The following DNAH1 variants were observed in gnomAD, a reference collection of about 807,000 sequenced individuals.
DNAH1 encodes the protein axonemal beta dynein heavy chain 1.
DNAH1 carries 327 observed loss-of-function variants against 484.3 expected under a neutral mutation model. The observed-to-expected ratio is 0.68, with a 90% confidence interval of 0.62 to 0.74. The LOEUF is 0.74. Ranked by LOEUF, DNAH1 falls within the 30% of genes least tolerant of loss-of-function variation. The pLI is 0.00. For synonymous variants in DNAH1, 2,192 were observed against 2,191.9 expected (o/e 1.00, Z 0.00); for missense variants, 5,052 against 5,546.8 (o/e 0.91, Z 2.83).
chr3:52,388,713 TC>T (rs1704228916), intron 58 of DNAH1, 92 bp from the exon 59 acceptor site: 1 of 1,604,324 alleles, frequency 6.2e-7, no homozygotes, highest in South Asian at 1.1e-5. Flanking sequence ...CCACACCCCC[TC>T]CCTGGCAACC....
rs200071114 is a variant in DNAH1 at position 52,396,440 on chromosome 3, G to A, written c.11332G>A (p.Gly3778Ser). 11 of 1,594,286 alleles carry A rather than the reference G, an allele frequency of 6.9e-6. No individual in the cohort carries two copies. The highest frequency in any genetic ancestry group is 5.4e-5 in the African/African-American group (4 of 74,496). ...NKFPVSILQN[G>S]SKMTIEPPRG... ...GTTCCCAGTGTCCATCCTGCAGAAC[G>A]GCTCCAAGATGACCATTGAGCCGCC... Residue 3778 changes from glycine (G) to serine (S), a missense_variant, in exon 71 of 78, where the codon GGC becomes AGC. By Grantham distance (56) the Gly-to-Ser change is moderately conservative (BLOSUM62 0). Transcript: ENST00000420323.
chr3:52,314,260 T>TG (rs1227846560), upstream of DNAH1, among the ~76,000 whole-genome samples: 4 of 152,202 alleles, frequency 2.6e-5, no homozygotes, highest in African/African-American at 9.7e-5. Flanking sequence ...GGAGCCCCCC[T>TG]GGGAAATGTC....
intron 60 of DNAH1, among the ~76,000 whole-genome samples, chr3:52,390,045 C>T (rs1704304852): frequency 6.6e-6 from 1 of 151,918 alleles, no homozygotes; most frequent in Admixed American, 6.6e-5. Context: ...GGCTTGAACC[C>T]AGGAGGCGGG....
intron 8 of DNAH1, among the ~76,000 whole-genome samples, chr3:52,339,252 T>C (rs1450989518): frequency 1.3e-5 from 2 of 152,120 alleles, no homozygotes; most frequent in Non-Finnish European, 2.9e-5. Flanking sequence ...TTCTTTCTTT[T>C]ACTTCCTTTA....
At position 52,345,948 on chromosome 3, in the gene DNAH1, A is replaced by C. The variant is rs544609012; in HGVS notation, c.1656+242A>C. ...AAAACCAGGGCAGGCTCTCTTTCCA[A>C]TCCCTTTCCATCCCAACTCTGGTTG... is the stretch of plus-strand genomic sequence containing the variant. On this transcript the variant is annotated intron_variant, in intron 10 of 77. Coordinates refer to ENST00000420323, the MANE Select transcript of DNAH1 (RefSeq NM_015512.5). Among the ~76,000 whole-genome samples, 15 of 152,222 alleles carry C rather than the reference A, an allele frequency of 9.9e-5. No individual in the cohort carries two copies. In the South Asian group the frequency reaches 3.1e-3, roughly 32 times the overall value.
intron 50 of DNAH1, among the ~76,000 whole-genome samples, chr3:52,383,078 C>G (rs773198359): frequency 7.9e-5 from 12 of 152,206 alleles, no homozygotes; most frequent in Non-Finnish European, 1.5e-4. Flanking sequence ...TATCTCTGCC[C>G]GTGGCCATGG....
intron 10 of DNAH1, 67 bp downstream of exon 10, chr3:52,345,773 C>A: frequency 2.7e-6 from 4 of 1,506,090 alleles, no homozygotes; most frequent in South Asian, 2.4e-5. Context: ...AGGCACAGGT[C>A]GGGGCTGCAG....
chr3:52,393,000 G>A lies in DNAH1; in HGVS notation c.10449G>A (p.Ser3483=), dbSNP rs780851318. The part of the protein sequence containing the change: ...SLEWFLNIFL[S]GIANSERADN... ...AGTGGTTTCTCAACATCTTCCTCTC[G>A]GGCATCGCCAACTCAGAGAGAGCAG... The change falls in exon 65 of 78, where the codon TCG becomes TCA. Residue 3483 remains serine, a synonymous_variant. Coordinates refer to ENST00000420323, the MANE Select transcript of DNAH1 (RefSeq NM_015512.5). The A allele has an allele frequency of 6.8e-6, 11 of 1,613,318 alleles. No individual in the cohort carries two copies. The highest frequency in any genetic ancestry group is 6.7e-5 in the East Asian group (3 of 44,866).
At chr3:52,349,648 A>G (rs559440384) in intron 14 of DNAH1, among the ~76,000 whole-genome samples, 24 of 152,188 alleles carry the variant, frequency 1.6e-4, no homozygotes, top group Non-Finnish European at 3.2e-4. Context: ...CTCCTTCCCT[A>G]GACTCTTAGA....
At chr3:52,372,814 C>A in intron 43 of DNAH1, 82 bp from the exon 44 acceptor site, 13 of 1,523,070 alleles carry the variant, frequency 8.5e-6, no homozygotes, top group Non-Finnish European at 1.1e-5. Flanking sequence ...TTCCCAGAGG[C>A]AAAGCTGCCA....
At chr3:52,397,144 C>A in intron 73 of DNAH1, 100 bp downstream of exon 73, 1 of 1,079,718 alleles carries the variant, frequency 9.3e-7, no homozygotes, top group Non-Finnish European at 1.3e-6. Context: ...ATGCAGCCCC[C>A]ACCCTCCATC....
chr3:52,394,395 G>A (rs1189858611), intron 66 of DNAH1, 70 bp from the exon 67 acceptor site: 1 of 1,496,798 alleles, frequency 6.7e-7, no homozygotes, highest in Non-Finnish European at 9.2e-7. Context: ...AGGCACTACT[G>A]GGTGGGGGTG....
chr3:52,376,067 G>A (rs1703586359), intron 46 of DNAH1, 74 bp downstream of exon 46: 1 of 1,561,280 alleles, frequency 6.4e-7, no homozygotes, highest in Non-Finnish European at 8.7e-7. Context: ...GTGTGTTGAG[G>A]CTGCGACCAG....
chr3:52,382,491 G>A (rs373646624), intron 50 of DNAH1, 36 bp downstream of exon 50: 2 of 1,610,192 alleles, frequency 1.2e-6, no homozygotes, highest in African/African-American at 1.3e-5. Flanking sequence ...GGCTCGGGGG[G>A]GCTGGACACA....
Position 52,397,893 on chromosome 3 carries a change from G to GT in DNAH1, c.11958+17dup. 7.5e-6 allele frequency: 12 copies of GT among 1,590,866 alleles called. No individual in the cohort carries two copies. Among genetic ancestry groups the GT allele is most frequent in the Non-Finnish European group, 1.0e-5 (12 of 1,167,430 alleles). ...CCGGGAGGAGGTGGGTGGTGTCAGA[G>GT]TAAGGGGCCCAAGGGCTGGACGGGC... On this transcript the variant is annotated intron_variant, in intron 74 of 77. Transcript: ENST00000420323.
chr3:52,331,381 C>T (rs1337082261), intron 7 of DNAH1, 72 bp downstream of exon 7: 3 of 1,497,098 alleles, frequency 2.0e-6, no homozygotes, highest in Non-Finnish European at 1.8e-6. Context: ...GAGGCCAACT[C>T]CGCCCAGGGC....
At chr3:52,359,686 C>T (rs1455837171) in intron 26 of DNAH1, among the ~76,000 whole-genome samples, 1 of 152,222 alleles carries the variant, frequency 6.6e-6, no homozygotes, top group Non-Finnish European at 1.5e-5. Context: ...CCCCTCCCGG[C>T]TTTAAGGGTT....
intron 1 of DNAH1, among the ~76,000 whole-genome samples, chr3:52,317,352 T>A (rs1272054614): frequency 6.6e-6 from 1 of 152,130 alleles, no homozygotes; most frequent in Non-Finnish European, 1.5e-5. Context: ...GCGCATCCGC[T>A]GCCCAGCGGA....
At position 52,381,260 on chromosome 3, in the gene DNAH1, C is replaced by T. The variant is rs1235970391; in HGVS notation, c.7609-380C>T. Among the ~76,000 whole-genome samples the T allele has an allele frequency of 1.3e-5, 2 of 152,078 alleles. No individual in the cohort carries two copies. The highest frequency in any genetic ancestry group is 2.9e-5 in the Non-Finnish European group (2 of 68,020). Reference sequence around the variant, plus strand: ...GGACCACAGGCACGCACCACCACGCCCAGCTAATTTTTATTTTTATTTTTT... The same window carrying T: ...GGACCACAGGCACGCACCACCACGCTCAGCTAATTTTTATTTTTATTTTTT... On this transcript the variant is annotated intron_variant, in intron 48 of 77. Coordinates refer to ENST00000420323, the MANE Select transcript of DNAH1 (RefSeq NM_015512.5). The surrounding 1 kb of genome is among the most constrained non-coding windows in gnomAD (Gnocchi z 4.1).
Sources: gnomAD v4.1 joint callset for allele counts (sites outside exome capture counted in the v4.1 genomes callset) on GRCh38, gnomAD v4.1.1 for gene constraint, Gnocchi (gnomAD v3.1) non-coding constraint, MANE v1.5 for transcripts, NCBI Gene and HGNC (gene_info 2026-07-23, HGNC 2026-07-21) for gene names.